The following UHRF1 variants were observed in gnomAD, a reference collection of about 807,000 sequenced individuals.
UHRF1 encodes the protein E3 ubiquitin-protein ligase UHRF1.
Under a neutral mutation model 96.5 loss-of-function variants are expected in UHRF1, and 9 were observed. That is an observed-to-expected ratio of 0.09 (90% CI 0.06 to 0.16). The LOEUF (loss-of-function observed/expected upper bound fraction) is 0.16. Among genes scored for constraint, UHRF1 ranks in the 10% least tolerant of loss-of-function variants. The pLI, the probability that UHRF1 is intolerant of heterozygous loss-of-function variation, is 1.00. For missense variants in UHRF1, 626 were observed against 1,131.1 expected (o/e 0.55, Z 6.40); for synonymous variants, 455 against 469.9 (o/e 0.97, Z 0.41).
At chr19:4,935,048 A>C in intron 5 of UHRF1, among the ~76,000 whole-genome samples, 1 of 151,646 alleles carries the variant, frequency 6.6e-6, no homozygotes, top group South Asian at 2.1e-4. Flanking sequence ...ATCTCTGCTT[A>C]CTGCAACCTC....
At chr19:4,906,561 C>A (rs572655710), upstream of UHRF1, among the ~76,000 whole-genome samples, 1 of 152,106 alleles carries the variant, frequency 6.6e-6, no homozygotes, top group Non-Finnish European at 1.5e-5. Flanking sequence ...TGAGACCAGC[C>A]TGGCCAATGT....
At chr19:4,913,252 CTTTTTTT>C (rs4022195) in intron 2 of UHRF1, among the ~76,000 whole-genome samples, 8 of 111,202 alleles carry the variant, frequency 7.2e-5, no homozygotes, top group Admixed American at 4.2e-4. Flanking sequence ...GTACATTGTG[CTTTTTTT>C]TTTTTTTTTT....
chr19:4,909,993 C>T (rs978692134), intron 1 of UHRF1, among the ~76,000 whole-genome samples: 2 of 150,890 alleles, frequency 1.3e-5, no homozygotes, highest in Non-Finnish European at 3.0e-5. Flanking sequence ...ATTTCGCGCG[C>T]CCTGAGTTCC....
At chr19:4,941,487 C>T in intron 5 of UHRF1, 41 bp from the exon 6 acceptor site, 1 of 1,547,452 alleles carries the variant, frequency 6.5e-7, no homozygotes, top group Non-Finnish European at 8.8e-7. Context: ...ATTTAGGGGC[C>T]TCGGCAGGCC....
chr19:4,916,095 G>A (rs1193434820), intron 2 of UHRF1, among the ~76,000 whole-genome samples: 1 of 151,968 alleles, frequency 6.6e-6, no homozygotes, highest in Admixed American at 6.6e-5. Flanking sequence ...ATCGCTTGAG[G>A]TTGGGAGTTT....
At chr19:4,949,422 A>T (rs1287622023) in intron 11 of UHRF1, among the ~76,000 whole-genome samples, 1 of 151,952 alleles carries the variant, frequency 6.6e-6, no homozygotes, top group Non-Finnish European at 1.5e-5. Flanking sequence ...GCTAGGTAAA[A>T]ATGTAAGATG....
rs17886206 is a variant in UHRF1 at position 4,946,091 on chromosome 19, T to G, written c.1410+126T>G. On this transcript the variant is annotated intron_variant, in intron 10 of 16. Transcript: ENST00000650932. Reference sequence around the variant, plus strand: ...GCTTGGTTCCCGGTGGCGTGAAGTATATTCCCATTGCTATGCAACCATCAC... The same window carrying G: ...GCTTGGTTCCCGGTGGCGTGAAGTAGATTCCCATTGCTATGCAACCATCAC... 377 of 676,506 alleles carry G rather than the reference T, an allele frequency of 5.6e-4. 1 individual carries two copies. The highest frequency in any genetic ancestry group is 8.2e-4 in the Non-Finnish European group (330 of 401,400). 41.9% of individuals were successfully genotyped at this position (676,506 alleles called of 1,614,324 possible). A position where few individuals can be genotyped will look rare whatever the true frequency, so the allele number is the denominator to read the frequency against.
In UHRF1 at chr19:4,960,821, A is replaced by G; in HGVS notation, c.*18A>G. The G allele has an allele frequency of 6.9e-7, 1 of 1,445,082 alleles. No individual in the cohort carries two copies. Among genetic ancestry groups the G allele is most frequent in the Non-Finnish European group, 9.5e-7 (1 of 1,052,608 alleles). The allele number at this position is 1,445,082 out of a possible 1,614,324, so 89.5% of individuals were successfully genotyped here. A position where few individuals can be genotyped will look rare whatever the true frequency, so the allele number is the denominator to read the frequency against. On this transcript the variant is annotated 3_prime_UTR_variant, in exon 17 of 17. Transcript: ENST00000650932. Reference sequence around the variant, plus strand: ...GCCGGTGATCTCCAAGCACTTCTCGACAGGCGTTTTGCTGAAAACGTGTCG... The same window carrying G: ...GCCGGTGATCTCCAAGCACTTCTCGGCAGGCGTTTTGCTGAAAACGTGTCG...
intron 8 of UHRF1, 33 bp from the exon 9 acceptor site, chr19:4,944,310 C>CG (rs772781778): frequency 2.4e-5 from 39 of 1,613,896 alleles, no homozygotes; most frequent in Middle Eastern, 3.3e-4. Context: ...CCAGGGCTCA[C>CG]GCTGTTGTTC....
intron 5 of UHRF1, among the ~76,000 whole-genome samples, chr19:4,937,198 C>A (rs1324902122): frequency 6.6e-6 from 1 of 151,898 alleles, no homozygotes; most frequent in Non-Finnish European, 1.5e-5. Context: ...CTTTTTTTCC[C>A]GACTCTCCAT....
At chr19:4,953,624 C>A (rs368620501) in intron 13 of UHRF1, among the ~76,000 whole-genome samples, 1 of 152,084 alleles carries the variant, frequency 6.6e-6, no homozygotes, top group Admixed American at 6.6e-5. Flanking sequence ...CCACCAGGCT[C>A]GGCTAATTTT....
At chr19:4,958,144 C>G (rs2145225549) in intron 16 of UHRF1, among the ~76,000 whole-genome samples, 1 of 152,346 alleles carries the variant, frequency 6.6e-6, no homozygotes, top group Middle Eastern at 3.4e-3. Context: ...CCCCACCTGC[C>G]TCGCCCTGTG....
At chr19:4,942,284 G>A (rs1166577125) in intron 7 of UHRF1, among the ~76,000 whole-genome samples, 2 of 151,698 alleles carry the variant, frequency 1.3e-5, no homozygotes, top group East Asian at 3.9e-4. Flanking sequence ...TCCGCCTCTC[G>A]GGTTCACGCC....
chr19:4,952,389 CAGCCTTTTTTTTTTTTTTTTTTTGG>C (rs1024426543), intron 13 of UHRF1, among the ~76,000 whole-genome samples: 3 of 123,084 alleles, frequency 2.4e-5, no homozygotes, highest in Non-Finnish European at 5.0e-5. Flanking sequence ...CCACCGCTCC[CAGCCTTTTTTTTTTTTTTTTTTTGG>C]AGACAGAGTC....
chr19:4,926,022 C>G (rs564974711), intron 2 of UHRF1, among the ~76,000 whole-genome samples: 3 of 152,008 alleles, frequency 2.0e-5, no homozygotes, highest in East Asian at 1.9e-4. Context: ...CTCAGCCTCC[C>G]GAGTAGCTGG....
chr19:4,911,408 A>C (rs1033373910), intron 2 of UHRF1, among the ~76,000 whole-genome samples: 6 of 152,292 alleles, frequency 3.9e-5, no homozygotes, highest in Non-Finnish European at 8.8e-5. Flanking sequence ...GCTAGGACGG[A>C]GGGGACCAGG....
chr19:4,912,438 A>G (rs2032320272), intron 2 of UHRF1, among the ~76,000 whole-genome samples: 1 of 152,128 alleles, frequency 6.6e-6, no homozygotes, highest in Admixed American at 6.6e-5. Context: ...TTGGACTCTC[A>G]TGCTCCCAAG....
At chr19:4,917,372 A>G (rs937538469) in intron 2 of UHRF1, among the ~76,000 whole-genome samples, 1 of 151,598 alleles carries the variant, frequency 6.6e-6, no homozygotes, top group Non-Finnish European at 1.5e-5. Context: ...CAGGGTCCAC[A>G]AGGCCGGGCG....
chr19:4,911,240 C>T (rs553350982), intron 2 of UHRF1, among the ~76,000 whole-genome samples: 1 of 152,182 alleles, frequency 6.6e-6, no homozygotes, highest in South Asian at 2.1e-4. Flanking sequence ...CAGATTGACA[C>T]GCTGGGCTGG....
Sources: gnomAD v4.1 joint callset for allele counts (sites outside exome capture counted in the v4.1 genomes callset) on GRCh38, gnomAD v4.1.1 for gene constraint, MANE v1.5 for transcripts, NCBI Gene and HGNC (gene_info 2026-07-23, HGNC 2026-07-21) for gene names.